Variants in SQOR observed in about 807,000 individuals in gnomAD.
The protein encoded by SQOR is sulfide:quinone oxidoreductase, mitochondrial.
In SQOR, 39 loss-of-function variants were observed where a neutral mutation model predicts 48.6. The observed-to-expected ratio is 0.80, with a 90% CI of 0.62 to 1.05. The LOEUF (loss-of-function observed/expected upper bound fraction) is 1.05, where lower values mean the gene tolerates loss of function less well. SQOR is among the 50% of genes least tolerant of loss of function. The probability of loss-of-function intolerance (pLI) is 0.00; values close to 1 mark genes in which losing one functional copy is unlikely to be tolerated. For missense variants in SQOR, 561 were observed against 559.9 expected, an observed-to-expected ratio of 1.00 and a Z score of -0.02; for synonymous variants, 220 against 206.2, an observed-to-expected ratio of 1.07 and a Z score of -0.57.
intron 1 of SQOR, among the ~76,000 whole-genome samples, chr15:45,648,281 G>A (rs1189135803): frequency 2.6e-5 from 4 of 151,924 alleles, no homozygotes; most frequent in Admixed American, 6.6e-5. Context: ...GGGTTCAAGC[G>A]ATTCTCATGC....
At chr15:45,682,265 C>T (rs891120833) in intron 6 of SQOR, among the ~76,000 whole-genome samples, 1 of 152,146 alleles carries the variant, frequency 6.6e-6, no homozygotes, top group Non-Finnish European at 1.5e-5. Context: ...ATGGGGAGAT[C>T]ACGTCAACTG....
At position 45,673,594 on chromosome 15, in the gene SQOR, T is replaced by C. The variant is rs779870014; in HGVS notation, c.460-13T>C. 8.1e-6 allele frequency: 13 copies of C among 1,605,696 alleles called. No homozygotes were observed. The highest frequency in any genetic ancestry group is 3.4e-5 in the Admixed American group (2 of 58,436). On this transcript the variant is annotated splice_polypyrimidine_tract_variant and intron_variant, in intron 4 of 9. Transcript: ENST00000260324. ...ACTTTTGTTTAAAATAATTTTTGTGTACTTTGTTGCAGATTAAAGGCCTAC... is the reference window on the plus strand; with the variant it reads ...ACTTTTGTTTAAAATAATTTTTGTGCACTTTGTTGCAGATTAAAGGCCTAC...
intron 1 of SQOR, among the ~76,000 whole-genome samples, chr15:45,637,073 G>C (rs1176891937): frequency 6.6e-6 from 1 of 151,046 alleles, no homozygotes. Context: ...CAACCTCCTC[G>C]CAGGTTCGAG....
rs75475383 is a variant in SQOR at position 45,638,742 on chromosome 15, GA to G, written c.-18+3646del. 6.7e-3 allele frequency among the ~76,000 whole-genome samples: 886 copies of G among 131,396 alleles called. 7 individuals are homozygous for G. The highest frequency in any genetic ancestry group is 0.021 in the African/African-American group (767 of 35,776). 86.2% of individuals were successfully genotyped at this position (131,396 alleles called of 152,430 possible). On this transcript the variant is annotated intron_variant, in intron 1 of 9. Coordinates refer to ENST00000260324, the MANE Select transcript of SQOR (RefSeq NM_021199.4). ...ACTCTGTCTCAAAAAAAGAAAGAAA[GA>G]AAAAAAAAAAAGGAAAATTAAGTTA...
chr15:45,632,684 A>C (rs1474655004), upstream of SQOR, among the ~76,000 whole-genome samples: 1 of 152,112 alleles, frequency 6.6e-6, no homozygotes, highest in Non-Finnish European at 1.5e-5. Context: ...AGTGGGGTGA[A>C]GCATTTTGGA....
upstream of SQOR, among the ~76,000 whole-genome samples, chr15:45,634,225 T>TATATATATATATATATATATATATATA (rs1566912034): frequency 2.6e-3 from 327 of 125,686 alleles, no homozygotes; most frequent in Non-Finnish European, 3.5e-3. Flanking sequence ...TATATATATA[T>TATATATATATATATATATATATATATA]TCAAAATTCA....
intron 7 of SQOR, among the ~76,000 whole-genome samples, chr15:45,683,896 G>A (rs199735517): frequency 1.1e-4 from 7 of 62,268 alleles, no homozygotes; most frequent in Non-Finnish European, 3.0e-4. Flanking sequence ...ATATATTTTT[G>A]TTTGTTTGTT....
At chr15:45,661,806 T>C (rs1244441845) in intron 2 of SQOR, 149 bp from the exon 3 acceptor site, 2 of 704,196 alleles carry the variant, frequency 2.8e-6, no homozygotes, top group Non-Finnish European at 4.6e-6. Flanking sequence ...AGACGCCTAA[T>C]AGACGGAGCT....
At chr15:45,645,427 C>A (rs75806228) in intron 1 of SQOR, among the ~76,000 whole-genome samples, 12,592 of 152,164 alleles carry the variant, frequency 0.083, 842 homozygotes, top group Admixed American at 0.2. Flanking sequence ...TCTGGGTGTG[C>A]CTGTGAGGGG....
At chr15:45,690,832 C>A in intron 9 of SQOR, 141 bp from the exon 10 acceptor site, 1 of 766,228 alleles carries the variant, frequency 1.3e-6, no homozygotes. Flanking sequence ...CATGGGATCT[C>A]TCCAACTCAC....
chr15:45,668,182 G>C (rs1889873172), intron 3 of SQOR, among the ~76,000 whole-genome samples: 1 of 151,916 alleles, frequency 6.6e-6, no homozygotes, highest in African/African-American at 2.4e-5. Context: ...CTGACCTTTT[G>C]ATCCACCCGC....
At chr15:45,665,458 T>A (rs1889796346) in intron 3 of SQOR, among the ~76,000 whole-genome samples, 2 of 152,248 alleles carry the variant, frequency 1.3e-5, no homozygotes, top group South Asian at 4.1e-4. Flanking sequence ...TATTCACAGG[T>A]GGTTTCATAT....
chr15:45,647,408 C>T (rs934977818), intron 1 of SQOR, among the ~76,000 whole-genome samples: 10 of 149,846 alleles, frequency 6.7e-5, no homozygotes, highest in African/African-American at 2.2e-4. Flanking sequence ...CTCACTGCAA[C>T]CTCCTCTTCC....
intron 1 of SQOR, among the ~76,000 whole-genome samples, chr15:45,652,840 A>T (rs1353195498): frequency 6.6e-6 from 1 of 151,426 alleles, no homozygotes; most frequent in Non-Finnish European, 1.5e-5. Flanking sequence ...GTGTGGTGGC[A>T]GGCACCTGTA....
chr15:45,674,969 A>G (rs1240613726), intron 5 of SQOR, among the ~76,000 whole-genome samples: 1 of 152,228 alleles, frequency 6.6e-6, no homozygotes, highest in Non-Finnish European at 1.5e-5. Context: ...GGACTGATCA[A>G]GACCTTCCCC....
chr15:45,652,036 G>A (rs1889502485), intron 1 of SQOR, among the ~76,000 whole-genome samples: 1 of 151,666 alleles, frequency 6.6e-6, no homozygotes, highest in Non-Finnish European at 1.5e-5. Flanking sequence ...ACCACGCCTG[G>A]CTAATTTTTG....
chr15:45,666,789 T>TCCCCTCCCCTCCTCTC (rs1889827470), intron 3 of SQOR, among the ~76,000 whole-genome samples: 1 of 6,640 alleles, frequency 1.5e-4, no homozygotes, highest in Non-Finnish European at 3.0e-4. Context: ...CCCCTCCCCT[T>TCCCCTCCCCTCCTCTC]CTCTCCCCTC....
chr15:45,651,498 G>A (rs1295063812), intron 1 of SQOR, among the ~76,000 whole-genome samples: 71 of 152,272 alleles, frequency 4.7e-4, no homozygotes, highest in Non-Finnish European at 2.9e-4. Flanking sequence ...TGGCCAGAGC[G>A]GATGCCAAGT....
chr15:45,658,917 C>A lies in SQOR; in HGVS notation c.-7C>A, dbSNP rs749115602. 17 of 1,544,612 alleles carry A rather than the reference C, an allele frequency of 1.1e-5. No homozygotes were observed. The highest frequency in any genetic ancestry group is 1.4e-5 in the Non-Finnish European group (16 of 1,140,132). ...TCTCTTCCCTTCCAGCCTGATCCTG[C>A]CTGAAGATGGTGCCACTGGTGGCTG... On this transcript the variant is annotated 5_prime_UTR_variant, in exon 2 of 10. Coordinates refer to ENST00000260324, the MANE Select transcript of SQOR (RefSeq NM_021199.4).
Sources: gnomAD v4.1 joint callset for allele counts (sites outside exome capture counted in the v4.1 genomes callset) on GRCh38, gnomAD v4.1.1 for gene constraint, MANE v1.5 for transcripts, NCBI Gene and HGNC (gene_info 2026-07-23, HGNC 2026-07-21) for gene names.